The following AKR1C2 variants were observed in gnomAD, a reference collection of about 807,000 sequenced individuals.
AKR1C2 encodes aldo-keto reductase family 1 member C2.
Under a neutral mutation model 39.8 loss-of-function variants are expected in AKR1C2, and 27 were observed. That is an observed-to-expected ratio of 0.68 (90% CI 0.50 to 0.93). The LOEUF (loss-of-function observed/expected upper bound fraction) is 0.93. Among genes scored for constraint, AKR1C2 ranks in the 40% least tolerant of loss-of-function variants. AKR1C2 has a pLI of 0.00. For missense variants in AKR1C2, 263 were observed against 365.1 expected (o/e 0.72, Z 2.28); for synonymous variants, 114 against 137.9 (o/e 0.83, Z 1.22).
chr10:5,012,866 G>T (rs1837552035), intron 1 of AKR1C2, among the ~76,000 whole-genome samples: 1 of 152,142 alleles, frequency 6.6e-6, no homozygotes, highest in East Asian at 1.9e-4. Context: ...TAGGCATGCT[G>T]TTTTTTCTGT....
intron 1 of AKR1C2, among the ~76,000 whole-genome samples, chr10:5,009,429 CT>C (rs1373044016): frequency 6.6e-6 from 1 of 152,008 alleles, no homozygotes; most frequent in Admixed American, 6.5e-5. Context: ...GCTTGCACAC[CT>C]TGCGACCACT....
chr10:5,014,382 G>A (rs1233968963), intron 1 of AKR1C2, among the ~76,000 whole-genome samples: 1 of 152,158 alleles, frequency 6.6e-6, no homozygotes, highest in Non-Finnish European at 1.5e-5. Flanking sequence ...TCCTTTCCAA[G>A]TGAGCCTTCA....
At chr10:5,011,612 A>T (rs1837524011) in intron 1 of AKR1C2, among the ~76,000 whole-genome samples, 1 of 152,344 alleles carries the variant, frequency 6.6e-6, no homozygotes, top group African/African-American at 2.4e-5. Context: ...AGCACAGATC[A>T]ATAGGTACAA....
Position 4,988,605 on chromosome 10 carries a change from A to G in AKR1C2, c.*1391T>C, listed in dbSNP as rs1554771740. The G allele has an allele frequency of 6.6e-6, 1 of 152,172 alleles. No homozygotes were observed. The highest frequency in any genetic ancestry group is 1.5e-5 in the Non-Finnish European group (1 of 68,028). The allele number at this position is 152,172 out of a possible 1,614,324, so 9.4% of individuals were successfully genotyped here. A position where few individuals can be genotyped will look rare whatever the true frequency, so the allele number is the denominator to read the frequency against. ...TTACAGAAAAATTGTGAGCTGCAAA[A>G]CTTGCTGGGATGCCTATCAGCTCTG... On this transcript the variant is annotated 3_prime_UTR_variant, in exon 9 of 9. Coordinates refer to ENST00000380753, the MANE Select transcript of AKR1C2 (RefSeq NM_001393392.1).
intron 8 of AKR1C2, among the ~76,000 whole-genome samples, chr10:4,991,038 C>G (rs1836823089): frequency 6.6e-6 from 1 of 151,148 alleles, no homozygotes; most frequent in South Asian, 2.1e-4. Flanking sequence ...TACATAACTT[C>G]TTTTTCCCTC....
intron 1 of AKR1C2, among the ~76,000 whole-genome samples, chr10:5,014,182 T>G (rs545087358): frequency 1.3e-5 from 1 of 76,772 alleles, no homozygotes; most frequent in Non-Finnish European, 2.6e-5. Context: ...ATACTAACAT[T>G]GCTTCAAAAA....
At chr10:5,007,829 G>A (rs1217296294), upstream of AKR1C2, among the ~76,000 whole-genome samples, 7 of 151,876 alleles carry the variant, frequency 4.6e-5, no homozygotes, top group Middle Eastern at 3.4e-3. Flanking sequence ...GGTTTTATAG[G>A]CAGTGGTTGA....
chr10:5,017,238 CT>C (rs1837660955), intron 1 of AKR1C2, among the ~76,000 whole-genome samples: 1 of 152,200 alleles, frequency 6.6e-6, no homozygotes, highest in African/African-American at 2.4e-5. Context: ...ATAATATTTT[CT>C]TTTCTGCTAC....
intron 1 of AKR1C2, among the ~76,000 whole-genome samples, chr10:5,001,996 A>C (rs112849607): frequency 6.6e-6 from 1 of 152,136 alleles, no homozygotes; most frequent in Admixed American, 6.5e-5. Flanking sequence ...CATAATCTTA[A>C]TTATTTTTAG....
rs1836753607 is a variant in AKR1C2, at chr10:4,989,140, A to G, written c.*856T>C. ...TTTTTACAATCTAAGAATATTTTCTAAATATGAGCTATTCAGGGGAATGTG... is the reference window on the plus strand; with the variant it reads ...TTTTTACAATCTAAGAATATTTTCTGAATATGAGCTATTCAGGGGAATGTG... On this transcript the variant is annotated 3_prime_UTR_variant, in exon 9 of 9. Transcript: ENST00000380753. The G allele has an allele frequency of 2.0e-5, 3 of 152,194 alleles. No individual in the cohort carries two copies. The South Asian group carries it at 6.2e-4, about 32-fold the overall frequency. 9.4% of individuals were successfully genotyped at this position (152,194 alleles called of 1,614,324 possible).
Position 4,998,682 on chromosome 10 carries a change from C to T in AKR1C2, c.513G>A (p.Arg171=), listed in dbSNP as rs782017261. The change falls in exon 5 of 9, where the codon AGG becomes AGA. Residue 171 remains arginine, a synonymous_variant. Coordinates refer to ENST00000380753, the MANE Select transcript of AKR1C2 (RefSeq NM_001393392.1). The part of the protein sequence containing the change: ...KSIGVSNFNH[R]LLEMILNKPG... ...GCTTGTTGAGGATCATCTCCAGCAG[C>T]CTGTGGTTGAAGTTGGACACCCCGA... 7.4e-6 allele frequency: 12 copies of T among 1,614,164 alleles called. No individual in the cohort carries two copies. The highest frequency in any genetic ancestry group is 9.3e-6 in the Non-Finnish European group (11 of 1,180,040).
chr10:5,009,140 A>G (rs567887680), intron 1 of AKR1C2, among the ~76,000 whole-genome samples: 64 of 152,210 alleles, frequency 4.2e-4, no homozygotes, highest in African/African-American at 1.3e-3. Context: ...AAAGACAGAG[A>G]TGCCTAAAGC....
chr10:4,995,397 G>A lies in AKR1C2; in HGVS notation c.768C>T (p.Ala256=), dbSNP rs1251726480. ...KKHKRTPALI[A]LRYQLQRGVV... ...CCCCACGCTGCAGCTGGTAGCGCAG[G>A]GCAATCAGGGCTGGGGTTCGCTTGT... The change falls in exon 7 of 9, where the codon GCC becomes GCT. Residue 256 remains alanine, a synonymous_variant. Coordinates refer to ENST00000380753, the MANE Select transcript of AKR1C2 (RefSeq NM_001393392.1). 1.3e-6 allele frequency: 2 copies of A among 1,598,118 alleles called. No homozygotes were observed. The highest frequency in any genetic ancestry group is 2.7e-5 in the African/African-American group (2 of 73,734).
At position 4,990,086 on chromosome 10, in the gene AKR1C2, T is replaced by C. The variant is rs138999389; in HGVS notation, c.930-48A>G. 1,874 of 1,608,904 alleles carry C rather than the reference T, an allele frequency of 1.2e-3. 7 individuals carry two copies. Among genetic ancestry groups the C allele is most frequent in the Non-Finnish European group, 1.1e-3 (1,285 of 1,177,540 alleles). On this transcript the variant is annotated intron_variant, in intron 8 of 8. Coordinates refer to ENST00000380753, the MANE Select transcript of AKR1C2 (RefSeq NM_001393392.1). Reference sequence around the variant, plus strand: ...ACACTCTGAATGGCAATGACTCCGTTACTAGCCCGTAGCGCAGTGATTTCT... The same window carrying C: ...ACACTCTGAATGGCAATGACTCCGTCACTAGCCCGTAGCGCAGTGATTTCT...
intron 1 of AKR1C2, among the ~76,000 whole-genome samples, chr10:5,015,484 A>G (rs1251561938): frequency 6.6e-6 from 1 of 152,116 alleles, no homozygotes; most frequent in Admixed American, 6.6e-5. Flanking sequence ...TGTTCTGTAG[A>G]CACAGAACTA....
At chr10:4,998,886 T>A in intron 4 of AKR1C2, 139 bp from the exon 5 acceptor site, 1 of 1,417,172 alleles carries the variant, frequency 7.1e-7, no homozygotes, top group South Asian at 1.5e-5. Context: ...AGGGAGAAAA[T>A]AAAACAGAAA....
chr10:5,010,164 C>G (rs1837488108), intron 1 of AKR1C2, among the ~76,000 whole-genome samples: 1 of 147,984 alleles, frequency 6.8e-6, no homozygotes, highest in South Asian at 2.3e-4. Flanking sequence ...CTTTACAACA[C>G]TGTGGTTGCA....
intron 1 of AKR1C2, among the ~76,000 whole-genome samples, chr10:5,012,352 C>G (rs1284608482): frequency 1.3e-5 from 2 of 151,862 alleles, no homozygotes; most frequent in Non-Finnish European, 2.9e-5. Context: ...TGTTACCTTA[C>G]CTGGCAAAAC....
At chr10:5,007,558 C>T (rs1554774548), upstream of AKR1C2, 1 of 149,366 alleles carries the variant, frequency 6.7e-6, no homozygotes, top group Admixed American at 6.7e-5. Context: ...AAACGGGAAT[C>T]CAGATTTTAG....
Sources: allele counts gnomAD v4.1 joint callset (sites outside exome capture counted in the v4.1 genomes callset), GRCh38; gene constraint gnomAD v4.1.1; transcripts MANE v1.5; gene names NCBI Gene and HGNC (gene_info 2026-07-23, HGNC 2026-07-21).